Variants in ST8SIA2 observed in about 807,000 individuals in gnomAD.
The protein encoded by ST8SIA2 is alpha-2,8-sialyltransferase 8B.
ST8SIA2 carries 22 observed loss-of-function variants against 37.6 expected under a neutral mutation model. The observed-to-expected ratio is 0.58, with a 90% CI of 0.42 to 0.83. The LOEUF (loss-of-function observed/expected upper bound fraction) is 0.83. Among genes scored for constraint, ST8SIA2 ranks in the 40% least tolerant of loss-of-function variants. The probability of loss-of-function intolerance (pLI) is 0.00; values close to 1 mark genes in which losing one functional copy is unlikely to be tolerated. For synonymous variants in ST8SIA2, 205 were observed against 201.2 expected (o/e 1.02, Z -0.16); for missense variants, 382 against 484.7 (o/e 0.79, Z 1.99).
chr15:92,406,585 C>T (rs1027667437), intron 1 of ST8SIA2, among the ~76,000 whole-genome samples: 1 of 152,214 alleles, frequency 6.6e-6, no homozygotes, highest in Admixed American at 6.5e-5. Context: ...TTCTACAGAG[C>T]GCCTGCCCTA....
rs1309931329 is a variant in ST8SIA2, at chr15:92,466,964, G to T, written c.*2579G>T. 11 of 152,312 alleles carry T rather than the reference G, an allele frequency of 7.2e-5. No individual in the cohort carries two copies. Among genetic ancestry groups the T allele is most frequent in the South Asian group, 2.1e-4 (1 of 4,796 alleles). The allele number at this position is 152,312 out of a possible 1,614,324, so 9.4% of individuals were successfully genotyped here. A position where few individuals can be genotyped will look rare whatever the true frequency, so the allele number is the denominator to read the frequency against. ...TCACACAGTCTGTACCCGGCCCCGA[G>T]ATCCTCTGCTGTAACTGCAGGGTCA... On this transcript the variant is annotated 3_prime_UTR_variant, in exon 6 of 6. Transcript: ENST00000268164.
rs138615988 is a variant in ST8SIA2 at position 92,467,885 on chromosome 15, G to A, written c.*3500G>A. 5.0e-3 allele frequency: 764 copies of A among 152,420 alleles called. 22 individuals are homozygous for A. The East Asian group carries it at 0.072, about 14-fold the overall frequency. The allele number at this position is 152,420 out of a possible 1,614,324, so 9.4% of individuals were successfully genotyped here. ...TGAGCTCTAGGCTGGGATTACACCC[G>A]CTGGAGGGACACTCACCCCATCTGC... On this transcript the variant is annotated 3_prime_UTR_variant, in exon 6 of 6. Coordinates refer to ENST00000268164, the MANE Select transcript of ST8SIA2 (RefSeq NM_006011.4).
At chr15:92,436,818 C>T (rs377667685) in intron 3 of ST8SIA2, among the ~76,000 whole-genome samples, 4 of 152,138 alleles carry the variant, frequency 2.6e-5, no homozygotes, top group South Asian at 4.2e-4. Context: ...GGATGAGACG[C>T]GCCGAGCTTA....
Position 92,416,395 on chromosome 15 carries a change from G to C in ST8SIA2, c.99-13654G>C, listed in dbSNP as rs558131256. Among the ~76,000 whole-genome samples, 10 of 152,184 alleles carry C rather than the reference G, an allele frequency of 6.6e-5. No homozygotes were observed. The South Asian group carries it at 2.1e-3, about 32-fold the overall frequency. The stretch of plus-strand genomic sequence containing the variant: ...AGGCAGCCAGGTTGTGCTGTGACTG[G>C]AGCCGGGAGTGAGGTGTCCAGAGGC... On this transcript the variant is annotated intron_variant, in intron 1 of 5. Transcript: ENST00000268164.
chr15:92,431,968 C>A (rs969831606), intron 2 of ST8SIA2, among the ~76,000 whole-genome samples: 1 of 152,178 alleles, frequency 6.6e-6, no homozygotes, highest in Non-Finnish European at 1.5e-5. Context: ...CCAGCCTTTG[C>A]CATCTTGTGT....
At chr15:92,418,547 T>C (rs1271623085) in intron 1 of ST8SIA2, among the ~76,000 whole-genome samples, 1 of 151,852 alleles carries the variant, frequency 6.6e-6, no homozygotes, top group Non-Finnish European at 1.5e-5. Flanking sequence ...ATATTTTTAA[T>C]TGATGTCTTG....
intron 1 of ST8SIA2, among the ~76,000 whole-genome samples, chr15:92,398,135 A>G (rs2049445322): frequency 6.6e-6 from 1 of 152,216 alleles, no homozygotes; most frequent in African/African-American, 2.4e-5. Flanking sequence ...CTCCATCTCA[A>G]AAAAAGAAAA....
At chr15:92,442,968 G>T (rs1303010955) in intron 4 of ST8SIA2, among the ~76,000 whole-genome samples, 2 of 152,024 alleles carry the variant, frequency 1.3e-5, no homozygotes, top group Non-Finnish European at 2.9e-5. Flanking sequence ...TGACAGGAGG[G>T]TGATTAAAAC....
At chr15:92,462,286 T>A (rs2049962960) in intron 5 of ST8SIA2, among the ~76,000 whole-genome samples, 2 of 152,186 alleles carry the variant, frequency 1.3e-5, no homozygotes, top group African/African-American at 4.8e-5. Context: ...AATTGTTACA[T>A]GATTAGGTGA....
At chr15:92,415,562 C>T (rs1461312239) in intron 1 of ST8SIA2, among the ~76,000 whole-genome samples, 1 of 151,516 alleles carries the variant, frequency 6.6e-6, no homozygotes, top group Non-Finnish European at 1.5e-5. Flanking sequence ...AGCATATACA[C>T]CCCCCACCCC....
chr15:92,421,515 T>C (rs1467004671), intron 1 of ST8SIA2, among the ~76,000 whole-genome samples: 4 of 152,340 alleles, frequency 2.6e-5, no homozygotes, highest in Admixed American at 2.0e-4. Flanking sequence ...TTTGCATTCA[T>C]TAGCTCATGT....
At chr15:92,449,915 T>C (rs1252407045) in intron 5 of ST8SIA2, among the ~76,000 whole-genome samples, 1 of 152,226 alleles carries the variant, frequency 6.6e-6, no homozygotes, top group African/African-American at 2.4e-5. Context: ...GTCGGATGCA[T>C]AGTTTGTGAA....
At chr15:92,409,475 C>T (rs756884899) in intron 1 of ST8SIA2, among the ~76,000 whole-genome samples, 1 of 152,066 alleles carries the variant, frequency 6.6e-6, no homozygotes, top group Non-Finnish European at 1.5e-5. Flanking sequence ...GATTAGCTGC[C>T]GGAGAGGGTT....
chr15:92,437,641 C>G (rs1213353507), intron 3 of ST8SIA2, among the ~76,000 whole-genome samples: 1 of 152,000 alleles, frequency 6.6e-6, no homozygotes. Context: ...GCAGGCCATC[C>G]TCTCGGTGTC....
chr15:92,457,024 G>A (rs547543997), intron 5 of ST8SIA2, among the ~76,000 whole-genome samples: 1 of 152,334 alleles, frequency 6.6e-6, no homozygotes, highest in Admixed American at 6.5e-5. Context: ...ATATCCTGCA[G>A]CACACCAGAG....
Position 92,451,343 on chromosome 15 carries a change from G to A in ST8SIA2, c.842+6414G>A, listed in dbSNP as rs900603711. Among the ~76,000 whole-genome samples the A allele has an allele frequency of 6.6e-5, 10 of 152,260 alleles. No individual in the cohort carries two copies. In the South Asian group the frequency reaches 1.0e-3, roughly 16 times the overall value. ...AGGCAGCAACGCATCAAGGCTACAC[G>A]TGCACACACTGCAGTTGTTCAGAGC... On this transcript the variant is annotated intron_variant, in intron 5 of 5. Coordinates refer to ENST00000268164, the MANE Select transcript of ST8SIA2 (RefSeq NM_006011.4).
At chr15:92,395,654 C>T (rs1177099083) in intron 1 of ST8SIA2, among the ~76,000 whole-genome samples, 1 of 152,162 alleles carries the variant, frequency 6.6e-6, no homozygotes, top group Non-Finnish European at 1.5e-5. Flanking sequence ...CATAGCTGCT[C>T]GCCTCAGAAA....
intron 1 of ST8SIA2, chr15:92,417,451 G>C (rs1029217114): frequency 6.6e-6 from 1 of 152,268 alleles, no homozygotes; most frequent in African/African-American, 2.4e-5. Flanking sequence ...TGTTGTGTCT[G>C]AATGCGGGTA....
Position 92,468,576 on chromosome 15 carries a change from G to C in ST8SIA2, c.*4191G>C, listed in dbSNP as rs1211712633. ...TTACCATATTCTGCCTTGTATTATA[G>C]TTATTTGTGCACTTGTCCTTTGACT... On this transcript the variant is annotated 3_prime_UTR_variant, in exon 6 of 6. Transcript: ENST00000268164. 6.5e-6 allele frequency: 1 copy of C among 152,674 alleles called. No individual in the cohort carries two copies. Among genetic ancestry groups the C allele is most frequent in the Admixed American group, 6.5e-5 (1 of 15,280 alleles). The allele number at this position is 152,674 out of a possible 1,614,324, so 9.5% of individuals were successfully genotyped here.
Sources: allele counts gnomAD v4.1 joint callset (sites outside exome capture counted in the v4.1 genomes callset), GRCh38; gene constraint gnomAD v4.1.1; transcripts MANE v1.5; gene names NCBI Gene and HGNC (gene_info 2026-07-23, HGNC 2026-07-21).